CSMD1: variants seen among roughly 807,000 people sequenced by gnomAD.
The protein encoded by CSMD1 is CUB and sushi domain-containing protein 1.
In CSMD1, 213 loss-of-function variants were observed where a neutral mutation model predicts 417.5. The ratio of observed to expected loss-of-function variants is 0.51; its 90% CI spans 0.46 to 0.57. The LOEUF is 0.57. Among genes scored for constraint, CSMD1 ranks in the 20% least tolerant of loss-of-function variants. CSMD1 has a pLI of 0.00. For synonymous variants in CSMD1, 2,862 were observed against 1,736.8 expected, an observed-to-expected ratio of 1.65 and a Z score of -16.11; for missense variants, 6,923 against 4,529.7, an observed-to-expected ratio of 1.53 and a Z score of -15.17.
At chr8:4,107,499 G>A (rs949782193) in intron 3 of CSMD1, among the ~76,000 whole-genome samples, 1 of 152,180 alleles carries the variant, frequency 6.6e-6, no homozygotes, top group Non-Finnish European at 1.5e-5. Context: ...AAACACCGAA[G>A]AATTCCATGT....
rs73495756 is a variant in CSMD1 at position 3,657,340 on chromosome 8, A to G, written c.1010-40543T>C. Among the ~76,000 whole-genome samples the G allele has an allele frequency of 4.2e-3, 647 of 152,280 alleles. 4 individuals carry two copies. Among genetic ancestry groups the G allele is most frequent in the African/African-American group, 0.015 (615 of 41,556 alleles). ...AATAAAATAAGATACCTAAGAATATACCTCACCAAGAAGTAAAAGATCTCT... is the reference window on the plus strand; with the variant it reads ...AATAAAATAAGATACCTAAGAATATGCCTCACCAAGAAGTAAAAGATCTCT... On this transcript the variant is annotated intron_variant, in intron 7 of 69. Coordinates refer to ENST00000635120, the MANE Select transcript of CSMD1 (RefSeq NM_033225.6).
At chr8:3,673,564 C>T (rs948290188) in intron 7 of CSMD1, among the ~76,000 whole-genome samples, 1 of 152,188 alleles carries the variant, frequency 6.6e-6, no homozygotes. Flanking sequence ...AGCCTACCCT[C>T]TCAGTATGCA....
intron 3 of CSMD1, among the ~76,000 whole-genome samples, chr8:4,215,335 T>A (rs915294382): frequency 2.6e-5 from 4 of 152,202 alleles, no homozygotes; most frequent in Non-Finnish European, 5.9e-5. Context: ...GGCTTTTAGA[T>A]GTCCACAGAT....
intron 2 of CSMD1, among the ~76,000 whole-genome samples, chr8:4,452,027 C>A (rs992039490): frequency 6.6e-6 from 1 of 151,406 alleles, no homozygotes; most frequent in African/African-American, 2.4e-5. Context: ...AGGCAGCCTG[C>A]CTTCTCACCA....
intron 3 of CSMD1, among the ~76,000 whole-genome samples, chr8:4,191,279 C>G (rs187756660): frequency 9.2e-5 from 14 of 151,978 alleles, no homozygotes; most frequent in Admixed American, 3.3e-4. Flanking sequence ...ACCTGTAGTC[C>G]CAGCTACTCG....
intron 5 of CSMD1, among the ~76,000 whole-genome samples, chr8:3,838,557 G>GAT (rs368287244): frequency 0.36 from 48,424 of 134,966 alleles, 9,583 homozygotes; most frequent in African/African-American, 0.5. Context: ...ACTCTCTGTA[G>GAT]ATATATATAG....
intron 3 of CSMD1, among the ~76,000 whole-genome samples, chr8:4,305,072 G>T (rs2128875685): frequency 6.6e-6 from 1 of 152,220 alleles, no homozygotes; most frequent in East Asian, 1.9e-4. Context: ...TCGTTTTAGG[G>T]CACAGAATCA....
At chr8:4,803,210 G>C (rs1798401495) in intron 1 of CSMD1, among the ~76,000 whole-genome samples, 1 of 152,102 alleles carries the variant, frequency 6.6e-6, no homozygotes, top group South Asian at 2.1e-4. Context: ...TCCAAAGTGA[G>C]GATAAATTCC....
intron 7 of CSMD1, among the ~76,000 whole-genome samples, chr8:3,645,612 C>A (rs1295407750): frequency 6.6e-6 from 1 of 152,114 alleles, no homozygotes; most frequent in Non-Finnish European, 1.5e-5. Flanking sequence ...TGCAAGGGAT[C>A]ATGGGAAGAG....
intron 1 of CSMD1, among the ~76,000 whole-genome samples, chr8:4,682,178 C>T (rs1806093072): frequency 6.6e-6 from 1 of 152,036 alleles, no homozygotes; most frequent in African/African-American, 2.4e-5. Context: ...AGGCACACAC[C>T]ACCATGCCTG....
chr8:4,432,831 T>G (rs559327817), intron 2 of CSMD1, among the ~76,000 whole-genome samples: 1 of 152,338 alleles, frequency 6.6e-6, no homozygotes, highest in African/African-American at 2.4e-5. Flanking sequence ...TAGATTTCTT[T>G]AGCACTCTGT....
chr8:4,000,157 A>G (rs1476517787), intron 4 of CSMD1, among the ~76,000 whole-genome samples: 1 of 152,152 alleles, frequency 6.6e-6, no homozygotes, highest in African/African-American at 2.4e-5. Flanking sequence ...TGGTCAACTG[A>G]GAACAAGCTG....
chr8:4,367,608 T>C (rs1019145690), intron 3 of CSMD1, among the ~76,000 whole-genome samples: 1 of 152,138 alleles, frequency 6.6e-6, no homozygotes, highest in African/African-American at 2.4e-5. Context: ...AAAAATGACA[T>C]TGGTACTTTG....
intron 3 of CSMD1, among the ~76,000 whole-genome samples, chr8:4,171,056 C>G (rs765104452): frequency 1.2e-4 from 18 of 151,884 alleles, no homozygotes; most frequent in Admixed American, 3.3e-4. Context: ...CCATCCTCAT[C>G]TGTCAGTGTT....
intron 5 of CSMD1, among the ~76,000 whole-genome samples, chr8:3,953,145 A>G (rs868524706): frequency 6.6e-6 from 1 of 152,062 alleles, no homozygotes; most frequent in Admixed American, 6.5e-5. Context: ...AAAAAATACC[A>G]TTTATAAAAA....
intron 4 of CSMD1, among the ~76,000 whole-genome samples, chr8:4,022,464 C>T (rs548922950): frequency 1.3e-5 from 2 of 152,130 alleles, no homozygotes; most frequent in Non-Finnish European, 1.5e-5. Context: ...AGGACATTTG[C>T]AGCCTTGCTC....
Position 3,110,079 on chromosome 8 carries a change from G to C in CSMD1, c.6608+79C>G, listed in dbSNP as rs1353673863. The C allele has an allele frequency of 4.3e-6, 5 of 1,167,176 alleles. No homozygotes were observed. The African/African-American group carries it at 7.8e-5, about 18-fold the overall frequency. 72.3% of individuals were successfully genotyped at this position (1,167,176 alleles called of 1,614,324 possible). A position where few individuals can be genotyped will look rare whatever the true frequency, so the allele number is the denominator to read the frequency against. ...GAAGTTTATTCTAAATATGTGCCTT[G>C]TATATAAGTGGCATATGTATGCTAA... On this transcript the variant is annotated intron_variant, in intron 43 of 69. Coordinates refer to ENST00000635120, the MANE Select transcript of CSMD1 (RefSeq NM_033225.6).
At chr8:3,848,069 TTCTC>T (rs111682595) in intron 5 of CSMD1, among the ~76,000 whole-genome samples, 24 of 133,348 alleles carry the variant, frequency 1.8e-4, no homozygotes, top group Non-Finnish European at 3.1e-4. Flanking sequence ...CTGGTGATAT[TTCTC>T]TCTCTCTCTC....
At chr8:4,354,246 C>T (rs1269783558) in intron 3 of CSMD1, among the ~76,000 whole-genome samples, 1 of 152,152 alleles carries the variant, frequency 6.6e-6, no homozygotes, top group Non-Finnish European at 1.5e-5. Context: ...TTACCAACAA[C>T]ATTGTAGATC....
Sources: gnomAD v4.1 joint callset for allele counts (sites outside exome capture counted in the v4.1 genomes callset) on GRCh38, gnomAD v4.1.1 for gene constraint, MANE v1.5 for transcripts, NCBI Gene and HGNC (gene_info 2026-07-23, HGNC 2026-07-21) for gene names.